JAK1: variants seen among roughly 807,000 people sequenced by gnomAD.
The protein encoded by JAK1 is tyrosine-protein kinase JAK1.
A neutral mutation model predicts 136.6 loss-of-function variants in JAK1; 16 were observed. The observed-to-expected ratio is 0.12, with a 90% CI of 0.08 to 0.18. The LOEUF is 0.18. Ranked by LOEUF, JAK1 falls within the 10% of genes least tolerant of loss-of-function variation. The pLI is 1.00. For missense variants in JAK1, 859 were observed against 1,450.1 expected (o/e 0.59, Z 6.62); for synonymous variants, 492 against 519.5 (o/e 0.95, Z 0.72).
chr1:65,055,320 CAT>C lies in JAK1; in HGVS notation c.-180-10740_-180-10739del, dbSNP rs1647483851. Reference sequence around the variant, plus strand: ...TCTTCAAGGTTCATCCATGTTGTAGCATATGTCAGAATTTCCTTCCTTTTAAG... The same window carrying C: ...TCTTCAAGGTTCATCCATGTTGTAGCATGTCAGAATTTCCTTCCTTTTAAG... On this transcript the variant is annotated intron_variant, in intron 1 of 25. Transcript: ENST00000671954. Among the ~76,000 whole-genome samples, 7 of 152,322 alleles carry C rather than the reference CAT, an allele frequency of 4.6e-5. No homozygotes were observed. In the South Asian group the frequency reaches 1.4e-3, roughly 32 times the overall value.
In JAK1 at chr1:65,006,811, C is replaced by T. The variant is rs368501164; in HGVS notation, c.-78+37669G>A. 2.0e-5 allele frequency among the ~76,000 whole-genome samples: 3 copies of T among 152,162 alleles called. No homozygotes were observed. In the South Asian group the frequency reaches 6.2e-4, roughly 32 times the overall value. On this transcript the variant is annotated intron_variant, in intron 2 of 25. Transcript: ENST00000671954. ...AAATATTTTATCTTCATAATATTTA[C>T]GTTGATTCATCCAGACATTATTAAA...
intron 2 of JAK1, among the ~76,000 whole-genome samples, chr1:64,971,998 C>A (rs1646456822): frequency 6.6e-6 from 1 of 152,068 alleles, no homozygotes; most frequent in Non-Finnish European, 1.5e-5. Flanking sequence ...CACTGTACTG[C>A]AGCCTGGGCA....
intron 2 of JAK1, among the ~76,000 whole-genome samples, chr1:65,011,391 A>G (rs780488093): frequency 2.0e-5 from 3 of 152,112 alleles, no homozygotes; most frequent in Non-Finnish European, 4.4e-5. Flanking sequence ...CAGGAGGATC[A>G]CTTGAGCCCG....
At chr1:64,847,762 A>T (rs1292371347) in intron 12 of JAK1, 87 bp from the exon 13 acceptor site, 6 of 1,459,194 alleles carry the variant, frequency 4.1e-6, no homozygotes, top group Admixed American at 3.9e-5. Context: ...GGGAACATGG[A>T]CTATCAATGG....
intron 2 of JAK1, among the ~76,000 whole-genome samples, chr1:65,013,257 C>T (rs1192677544): frequency 6.6e-6 from 1 of 151,212 alleles, no homozygotes; most frequent in Admixed American, 6.6e-5. Context: ...ATTAGCCGGG[C>T]GTGCTGGCAT....
chr1:64,864,094 C>A (rs1409923591), intron 8 of JAK1, among the ~76,000 whole-genome samples: 1 of 152,224 alleles, frequency 6.6e-6, no homozygotes, highest in Admixed American at 6.5e-5. Flanking sequence ...TGAGCGTTAT[C>A]ATTGTGACAC....
At chr1:64,894,877 T>C (rs1281607289) in intron 1 of JAK1, among the ~76,000 whole-genome samples, 1 of 152,182 alleles carries the variant, frequency 6.6e-6, no homozygotes, top group Admixed American at 6.5e-5. Context: ...TAACCAGTTT[T>C]TATGTTCAGC....
At chr1:64,906,843 C>T (rs1363227826) in intron 1 of JAK1, among the ~76,000 whole-genome samples, 10 of 152,186 alleles carry the variant, frequency 6.6e-5, no homozygotes. Context: ...TGCTATTCCA[C>T]ACTACCTCTT....
At chr1:64,985,382 G>T in intron 2 of JAK1, 1 of 1,611,194 alleles carries the variant, frequency 6.2e-7, no homozygotes, top group East Asian at 2.2e-5. Context: ...TCTCCTGGAT[G>T]TCTTGGGATA....
At chr1:64,966,686 C>T (rs1646389895), upstream of JAK1, among the ~76,000 whole-genome samples, 1 of 151,134 alleles carries the variant, frequency 6.6e-6, no homozygotes, top group Admixed American at 6.6e-5. Context: ...GACTCTGCGC[C>T]TCCGGCCTAC....
upstream of JAK1, among the ~76,000 whole-genome samples, chr1:64,971,543 C>T (rs75272911): frequency 0.045 from 6,807 of 151,308 alleles, 360 homozygotes; most frequent in East Asian, 0.27. Context: ...CATCATGTTG[C>T]CCAGGTTTCT....
At chr1:64,991,565 T>A (rs1185564436) in intron 2 of JAK1, 1 of 152,272 alleles carries the variant, frequency 6.6e-6, no homozygotes, top group African/African-American at 2.4e-5. Flanking sequence ...GGAATGCAGA[T>A]GCCTGCTTTC....
At chr1:64,929,415 T>C (rs1222529818) in intron 1 of JAK1, among the ~76,000 whole-genome samples, 2 of 152,240 alleles carry the variant, frequency 1.3e-5, no homozygotes, top group African/African-American at 2.4e-5. Context: ...ACTATTCTTA[T>C]CTGCAATTAC....
intron 14 of JAK1, 108 bp downstream of exon 14, chr1:64,846,539 GAA>G (rs1184008766): frequency 1.3e-6 from 1 of 760,374 alleles, no homozygotes; most frequent in Non-Finnish European, 2.3e-6. Context: ...ACTGCAAAAA[GAA>G]AGGCAAGAAG....
intron 1 of JAK1, among the ~76,000 whole-genome samples, chr1:65,063,575 G>A (rs529585975): frequency 3.9e-5 from 6 of 152,256 alleles, no homozygotes; most frequent in African/African-American, 9.6e-5. Flanking sequence ...AGGCCAAGGC[G>A]GATGGATCAC....
intron 17 of JAK1, among the ~76,000 whole-genome samples, chr1:64,842,555 T>C (rs1345278328): frequency 2.0e-5 from 3 of 152,096 alleles, no homozygotes; most frequent in African/African-American, 7.2e-5. Context: ...CACTCACACA[T>C]CCCTGCGTCA....
At chr1:65,026,066 A>G (rs574612381) in intron 2 of JAK1, among the ~76,000 whole-genome samples, 1 of 152,318 alleles carries the variant, frequency 6.6e-6, no homozygotes, top group South Asian at 2.1e-4. Flanking sequence ...ATAAACCTGT[A>G]AAAGTGCCTG....
At chr1:65,039,314 C>T (rs530813771) in intron 2 of JAK1, among the ~76,000 whole-genome samples, 1 of 152,254 alleles carries the variant, frequency 6.6e-6, no homozygotes, top group African/African-American at 2.4e-5. Flanking sequence ...ATAGAGATAA[C>T]TCAAACAACC....
intron 2 of JAK1, among the ~76,000 whole-genome samples, chr1:64,995,335 T>C (rs1403773132): frequency 6.6e-6 from 1 of 152,166 alleles, no homozygotes; most frequent in Non-Finnish European, 1.5e-5. Flanking sequence ...CTATAATCTA[T>C]CTTGCTTAAT....
Sources: gnomAD v4.1 joint callset for allele counts (sites outside exome capture counted in the v4.1 genomes callset) on GRCh38, gnomAD v4.1.1 for gene constraint, MANE v1.5 for transcripts, NCBI Gene and HGNC (gene_info 2026-07-23, HGNC 2026-07-21) for gene names.